The following KCNH8 variants were observed in gnomAD, a reference collection of about 807,000 sequenced individuals.
The protein encoded by KCNH8 is voltage-gated delayed rectifier potassium channel KCNH8.
KCNH8 carries 70 observed loss-of-function variants against 103.6 expected under a neutral mutation model. The ratio of observed to expected loss-of-function variants is 0.68; its 90% CI spans 0.56 to 0.82. The LOEUF is 0.82. KCNH8 is among the 40% of genes least tolerant of loss of function. KCNH8 has a pLI of 0.00. For missense variants in KCNH8, 1,217 were observed against 1,329.9 expected, an observed-to-expected ratio of 0.92 and a Z score of 1.32; for synonymous variants, 498 against 489.4, an observed-to-expected ratio of 1.02 and a Z score of -0.23.
chr3:19,407,687 C>T (rs1383896391), intron 7 of KCNH8, among the ~76,000 whole-genome samples: 1 of 152,030 alleles, frequency 6.6e-6, no homozygotes, highest in Non-Finnish European at 1.5e-5. Context: ...GATCCTGAGG[C>T]ATTCAGAGCA....
intron 1 of KCNH8, among the ~76,000 whole-genome samples, chr3:19,226,853 A>G (rs187741679): frequency 6.6e-6 from 1 of 152,308 alleles, no homozygotes; most frequent in East Asian, 1.9e-4. Context: ...TTTCAATAAC[A>G]GGAAAAAACA....
At chr3:19,181,929 T>C (rs558053361) in intron 1 of KCNH8, among the ~76,000 whole-genome samples, 1 of 152,120 alleles carries the variant, frequency 6.6e-6, no homozygotes, top group Non-Finnish European at 1.5e-5. Flanking sequence ...CAAACACATA[T>C]AATACTAACA....
intron 5 of KCNH8, among the ~76,000 whole-genome samples, chr3:19,359,041 A>C (rs939472559): frequency 1.7e-4 from 26 of 152,056 alleles, no homozygotes; most frequent in Admixed American, 1.2e-3. Context: ...AAGATATATG[A>C]CAAATATTCA....
At chr3:19,516,525 C>T (rs1190577806) in intron 14 of KCNH8, among the ~76,000 whole-genome samples, 2 of 152,004 alleles carry the variant, frequency 1.3e-5, no homozygotes, top group East Asian at 3.9e-4. Context: ...TATCATCAAA[C>T]TGGTATATTT....
intron 12 of KCNH8, among the ~76,000 whole-genome samples, chr3:19,512,227 C>A (rs976045468): frequency 1.3e-5 from 2 of 151,940 alleles, no homozygotes; most frequent in African/African-American, 4.8e-5. Flanking sequence ...TCCATCATCA[C>A]CTCAATTGTC....
At chr3:19,288,710 T>A (rs1032235823) in intron 3 of KCNH8, among the ~76,000 whole-genome samples, 9 of 152,228 alleles carry the variant, frequency 5.9e-5, no homozygotes, top group African/African-American at 2.2e-4. Flanking sequence ...TGTGTCTTTA[T>A]AGCAGCATGA....
At chr3:19,420,124 A>G (rs923990811) in intron 7 of KCNH8, among the ~76,000 whole-genome samples, 8 of 152,178 alleles carry the variant, frequency 5.3e-5, no homozygotes, top group African/African-American at 1.9e-4. Context: ...GCTACATTAC[A>G]TGGTTGTTAT....
chr3:19,242,826 T>C (rs146263529), intron 1 of KCNH8, among the ~76,000 whole-genome samples: 1 of 152,232 alleles, frequency 6.6e-6, no homozygotes, highest in Non-Finnish European at 1.5e-5. Context: ...GAGATTCCAA[T>C]AGATGAGGTG....
rs144493458 is a variant in KCNH8 at position 19,464,252 on chromosome 3, G to C, written c.2040+7270G>C. On this transcript the variant is annotated intron_variant, in intron 11 of 15. Coordinates refer to ENST00000328405, the MANE Select transcript of KCNH8 (RefSeq NM_144633.3). ...ACAGGCCCACACTTTATGGTCACCT[G>C]ATTTATCACAAGTTGCTATAGTGAA... 3.2e-3 allele frequency among the ~76,000 whole-genome samples: 488 copies of C among 152,152 alleles called. 5 individuals carry two copies. The highest frequency in any genetic ancestry group is 0.01 in the African/African-American group (435 of 41,530).
intron 7 of KCNH8, among the ~76,000 whole-genome samples, chr3:19,427,627 A>C (rs1407133742): frequency 6.6e-6 from 1 of 152,192 alleles, no homozygotes; most frequent in Non-Finnish European, 1.5e-5. Flanking sequence ...AAAATGAGTC[A>C]TTGGGATGTT....
intron 2 of KCNH8, among the ~76,000 whole-genome samples, chr3:19,265,405 C>G (rs1296714502): frequency 6.6e-6 from 1 of 152,090 alleles, no homozygotes; most frequent in Admixed American, 6.6e-5. Flanking sequence ...TCTAAGCATG[C>G]AGTCTATGTG....
intron 2 of KCNH8, among the ~76,000 whole-genome samples, chr3:19,267,595 C>T (rs1442478367): frequency 6.6e-6 from 1 of 152,082 alleles, no homozygotes; most frequent in Admixed American, 6.6e-5. Flanking sequence ...AGTCCTTGCA[C>T]AGTCACCAAG....
rs1331802978 is a variant in KCNH8 at position 19,170,808 on chromosome 3, A to ATTT, written c.76+22014_76+22015insTTT. On this transcript the variant is annotated intron_variant, in intron 1 of 15. Coordinates refer to ENST00000328405, the MANE Select transcript of KCNH8 (RefSeq NM_144633.3). ...CACACACATATATATATATATATAT[A>ATTT]TATTTTTTTTTTTTTTTTTGAGACG... Among the ~76,000 whole-genome samples the ATTT allele has an allele frequency of 5.4e-4, 54 of 100,164 alleles. 1 individual carries two copies. Among genetic ancestry groups the ATTT allele is most frequent in the African/African-American group, 2.5e-3 (49 of 19,492 alleles). The allele number at this position is 100,164 out of a possible 152,430, so 65.7% of individuals were successfully genotyped here.
intron 4 of KCNH8, chr3:19,346,772 T>C (rs2065735377): frequency 1.6e-5 from 7 of 441,318 alleles, no homozygotes; most frequent in Non-Finnish European, 3.2e-5. Context: ...GCTCTGTTAA[T>C]TCAACTAAAC....
At chr3:19,372,823 G>T (rs1045457661) in intron 5 of KCNH8, among the ~76,000 whole-genome samples, 1 of 152,034 alleles carries the variant, frequency 6.6e-6, no homozygotes, top group East Asian at 1.9e-4. Flanking sequence ...TAGCATGAAG[G>T]GTTGTTGAAT....
intron 3 of KCNH8, among the ~76,000 whole-genome samples, chr3:19,333,869 T>A (rs1016258460): frequency 3.3e-5 from 5 of 152,174 alleles, no homozygotes; most frequent in African/African-American, 7.2e-5. Context: ...TTGTAGTCAT[T>A]TTTGTGTATC....
At chr3:19,383,903 T>G (rs553636927) in intron 5 of KCNH8, among the ~76,000 whole-genome samples, 1 of 152,236 alleles carries the variant, frequency 6.6e-6, no homozygotes, top group Admixed American at 6.5e-5. Flanking sequence ...TTAAATAAGG[T>G]TTTTTCAGTA....
At chr3:19,426,890 A>G (rs2067036655) in intron 7 of KCNH8, among the ~76,000 whole-genome samples, 1 of 152,088 alleles carries the variant, frequency 6.6e-6, no homozygotes, top group South Asian at 2.1e-4. Flanking sequence ...TCTTCATGCA[A>G]TGTGTATCTT....
At chr3:19,453,796 A>G (rs1252382149) in intron 10 of KCNH8, among the ~76,000 whole-genome samples, 1 of 152,194 alleles carries the variant, frequency 6.6e-6, no homozygotes, top group Non-Finnish European at 1.5e-5. Context: ...CAGAACTATG[A>G]GAAATAATTT....
Sources: allele counts gnomAD v4.1 joint callset (sites outside exome capture counted in the v4.1 genomes callset), GRCh38; gene constraint gnomAD v4.1.1; transcripts MANE v1.5; gene names NCBI Gene and HGNC (gene_info 2026-07-23, HGNC 2026-07-21).